Variants in CTSO observed in about 807,000 individuals in gnomAD.
CTSO encodes cathepsin O.
CTSO carries 40 observed loss-of-function variants against 42.4 expected under a neutral mutation model. That is an observed-to-expected ratio of 0.94 (90% CI 0.73 to 1.23). The LOEUF (loss-of-function observed/expected upper bound fraction) is 1.23. Ranked by LOEUF, CTSO falls within the 50% of genes most tolerant of loss-of-function variation. The pLI, the probability that CTSO is intolerant of heterozygous loss-of-function variation, is 0.00. For missense variants in CTSO, 441 were observed against 396.0 expected (o/e 1.11, Z -0.96); for synonymous variants, 156 against 146.2 (o/e 1.07, Z -0.48).
intron 1 of CTSO, among the ~76,000 whole-genome samples, chr4:155,945,484 C>G (rs1310891496): frequency 1.3e-5 from 2 of 152,166 alleles, no homozygotes; most frequent in African/African-American, 4.8e-5. Context: ...AAAACTTGAG[C>G]AGCCTTTTAT....
intron 5 of CTSO, 148 bp from the exon 6 acceptor site, chr4:155,929,853 G>A (rs1019355996): frequency 3.0e-6 from 2 of 660,212 alleles, no homozygotes; most frequent in Non-Finnish European, 4.9e-6. Flanking sequence ...GAGACTGGTA[G>A]TCTATGGCTG....
intron 5 of CTSO, among the ~76,000 whole-genome samples, chr4:155,934,411 C>T (rs1282353689): frequency 1.3e-5 from 2 of 152,178 alleles, no homozygotes; most frequent in Non-Finnish European, 2.9e-5. Context: ...GGGTTGGAGG[C>T]TCCACACAGA....
chr4:155,932,356 T>C (rs1030536784), intron 5 of CTSO, among the ~76,000 whole-genome samples: 2 of 151,990 alleles, frequency 1.3e-5, no homozygotes, highest in African/African-American at 4.8e-5. Flanking sequence ...GACTCCACAG[T>C]TTACTAGCTA....
intron 3 of CTSO, among the ~76,000 whole-genome samples, chr4:155,940,105 G>T (rs989501196): frequency 6.6e-6 from 1 of 152,202 alleles, no homozygotes; most frequent in African/African-American, 2.4e-5. Flanking sequence ...TATGCTTATA[G>T]TGGATGTACA....
At chr4:155,946,328 C>T (rs6816024) in intron 1 of CTSO, among the ~76,000 whole-genome samples, 76,788 of 151,900 alleles carry the variant, frequency 0.51, 19,917 homozygotes, top group Middle Eastern at 0.6. Flanking sequence ...TTAGGTGTTC[C>T]GGTTGTGAAG....
chr4:155,945,734 G>A (rs1024362439), intron 1 of CTSO, among the ~76,000 whole-genome samples: 23 of 152,174 alleles, frequency 1.5e-4, no homozygotes, highest in African/African-American at 4.8e-4. Flanking sequence ...TCATAAATAC[G>A]CTGTAGACAC....
Position 155,937,342 on chromosome 4 carries a change from T to G in CTSO, c.674+20A>C. ...AATTAAAAATGTATAAAGAAAAACA[T>G]AATACAATAAGATCTTTACCTGAAG... On this transcript the variant is annotated intron_variant, in intron 5 of 7. Coordinates refer to ENST00000433477, the MANE Select transcript of CTSO (RefSeq NM_001334.3). The G allele has an allele frequency of 6.3e-7, 1 of 1,575,530 alleles. No homozygotes were observed. Among genetic ancestry groups the G allele is most frequent in the Non-Finnish European group, 8.7e-7 (1 of 1,151,278 alleles).
intron 3 of CTSO, 75 bp from the exon 4 acceptor site, chr4:155,939,613 T>C (rs1743393724): frequency 7.4e-7 from 1 of 1,344,328 alleles, no homozygotes; most frequent in Non-Finnish European, 1.0e-6. Flanking sequence ...ATGTAACAAG[T>C]TATCAAATCA....
At chr4:155,951,300 A>C (rs963327453) in intron 1 of CTSO, among the ~76,000 whole-genome samples, 1 of 152,154 alleles carries the variant, frequency 6.6e-6, no homozygotes, top group African/African-American at 2.4e-5. Context: ...TCTGTGGTAA[A>C]ATAATGAGCA....
intron 1 of CTSO, among the ~76,000 whole-genome samples, chr4:155,947,112 A>C (rs1743562492): frequency 1.3e-5 from 2 of 152,238 alleles, no homozygotes; most frequent in East Asian, 3.9e-4. Flanking sequence ...TGCCCGCCTC[A>C]GCCTCTCAGA....
chr4:155,944,477 T>G (rs924925991), intron 1 of CTSO, among the ~76,000 whole-genome samples: 11 of 152,336 alleles, frequency 7.2e-5, no homozygotes, highest in African/African-American at 2.6e-4. Context: ...TATTAACTGC[T>G]AAGGAATTCA....
At chr4:155,931,232 A>G (rs1309799268) in intron 5 of CTSO, among the ~76,000 whole-genome samples, 6 of 152,168 alleles carry the variant, frequency 3.9e-5, no homozygotes, top group Admixed American at 1.3e-4. Context: ...AGCATAGTTC[A>G]TGATTTAAAC....
Position 155,944,941 on chromosome 4 carries a change from C to T in CTSO, c.136-1677G>A, listed in dbSNP as rs187853355. On this transcript the variant is annotated intron_variant, in intron 1 of 7. Coordinates refer to ENST00000433477, the MANE Select transcript of CTSO (RefSeq NM_001334.3). ...TCTCCCTATTAGTTCACAGGAATTG[C>T]TCCTGTGATTGATTAAAAAAAAAAA... Among the ~76,000 whole-genome samples the T allele has an allele frequency of 6.5e-5, 9 of 139,258 alleles. No individual in the cohort carries two copies. In the Admixed American group the frequency reaches 7.2e-4, roughly 11 times the overall value. 91.4% of individuals were successfully genotyped at this position (139,258 alleles called of 152,430 possible).
chr4:155,929,766 T>A, intron 5 of CTSO, 61 bp from the exon 6 acceptor site: 1 of 1,468,526 alleles, frequency 6.8e-7, no homozygotes, highest in South Asian at 1.3e-5. Context: ...ATAACAATGA[T>A]CTATATAATC....
Position 155,929,633 on chromosome 4 carries a change from G to C in CTSO, c.747C>G (p.Ser249Arg). The change falls in exon 6 of 8, where the codon AGC becomes AGG. Residue 249 changes from serine (S) to arginine (R), a missense_variant. By Grantham distance (110) the Ser-to-Arg change is moderately radical. Coordinates refer to ENST00000433477, the MANE Select transcript of CTSO (RefSeq NM_001334.3). ...TAATGCCTCCCAGATAATCTTGCCA[G>C]CTCACTGCATCTACTATGACTACCA... ...GPLVVIVDAVSWQDYLGGIIQ... is the reference protein window; with the variant it reads ...GPLVVIVDAVRWQDYLGGIIQ... 2 of 1,613,844 alleles carry C rather than the reference G, an allele frequency of 1.2e-6. No homozygotes were observed. Among genetic ancestry groups the C allele is most frequent in the Middle Eastern group, 1.6e-4 (1 of 6,062 alleles).
intron 1 of CTSO, among the ~76,000 whole-genome samples, chr4:155,950,312 C>T: frequency 6.6e-6 from 1 of 152,120 alleles, no homozygotes; most frequent in Admixed American, 6.5e-5. Flanking sequence ...TTTTTGTGTA[C>T]ATTTCTTACA....
At chr4:155,952,141 G>A (rs973102435) in intron 1 of CTSO, among the ~76,000 whole-genome samples, 8 of 152,064 alleles carry the variant, frequency 5.3e-5, no homozygotes, top group African/African-American at 1.7e-4. Context: ...AATTTTTTCA[G>A]TATTTCTTAA....
At chr4:155,953,198 T>G (rs145602324) in intron 1 of CTSO, among the ~76,000 whole-genome samples, 75 of 152,184 alleles carry the variant, frequency 4.9e-4, no homozygotes, top group African/African-American at 1.6e-3. Flanking sequence ...AGGAGAATCA[T>G]AAACCATCAG....
chr4:155,946,897 G>A (rs1743557363), intron 1 of CTSO, among the ~76,000 whole-genome samples: 1 of 152,070 alleles, frequency 6.6e-6, no homozygotes, highest in South Asian at 2.1e-4. Context: ...TCGCTCTGTC[G>A]CCCAGGCGAG....
Sources: allele counts gnomAD v4.1 joint callset (sites outside exome capture counted in the v4.1 genomes callset), GRCh38; gene constraint gnomAD v4.1.1; transcripts MANE v1.5; gene names NCBI Gene and HGNC (gene_info 2026-07-23, HGNC 2026-07-21).